RPE: variants seen among roughly 807,000 people sequenced by gnomAD.
RPE encodes ribulose-phosphate 3-epimerase.
Under a neutral mutation model 24.6 loss-of-function variants are expected in RPE, and 16 were observed. That is an observed-to-expected ratio of 0.65 (90% confidence interval 0.44 to 0.99). RPE has a LOEUF of 0.99. RPE is among the 50% of genes least tolerant of loss of function. The pLI is 0.00. For synonymous variants in RPE, 93 were observed against 98.4 expected, an observed-to-expected ratio of 0.94 and a Z score of 0.33; for missense variants, 240 against 294.5, an observed-to-expected ratio of 0.81 and a Z score of 1.35.
chr2:210,016,262 A>G (rs773270431), intron 3 of RPE, 150 bp downstream of exon 3: 1 of 1,613,908 alleles, frequency 6.2e-7, no homozygotes, highest in South Asian at 1.1e-5. Flanking sequence ...TTGCAGGTAA[A>G]GAATACCTTA....
chr2:210,019,930 T>A lies in RPE; in HGVS notation c.*139T>A. The A allele has an allele frequency of 8.6e-7, 1 of 1,159,374 alleles. No individual in the cohort carries two copies. Among genetic ancestry groups the A allele is most frequent in the Non-Finnish European group, 1.2e-6 (1 of 850,702 alleles). 71.8% of individuals were successfully genotyped at this position (1,159,374 alleles called of 1,614,324 possible). A position where few individuals can be genotyped will look rare whatever the true frequency, so the allele number is the denominator to read the frequency against. On this transcript the variant is annotated 3_prime_UTR_variant, in exon 6 of 6. Transcript: ENST00000359429. Reference sequence around the variant, plus strand: ...ATTCATTCCAGTGATTAAAACTGATTGTGCAGAATATTCTAAGAGGTCAGA... The same window carrying A: ...ATTCATTCCAGTGATTAAAACTGATAGTGCAGAATATTCTAAGAGGTCAGA...
chr2:210,011,533 T>G (rs2093699358), intron 2 of RPE, among the ~76,000 whole-genome samples: 1 of 152,188 alleles, frequency 6.6e-6, no homozygotes, highest in African/African-American at 2.4e-5. Flanking sequence ...CACAATCTGC[T>G]TTTTCTTCTT....
chr2:210,019,882 C>A lies in RPE; in HGVS notation c.*91C>A. On this transcript the variant is annotated 3_prime_UTR_variant, in exon 6 of 6. Transcript: ENST00000359429. ...CTACCAAATCACAATGCAATTGAAG[C>A]CGTACTGCTTTTTTGAGCAGTTATT... 6.9e-7 allele frequency: 1 copy of A among 1,456,772 alleles called. No homozygotes were observed. 90.2% of individuals were successfully genotyped at this position (1,456,772 alleles called of 1,614,324 possible).
At chr2:210,018,185 G>C (rs200139291) in intron 5 of RPE, 14 of 1,534,530 alleles carry the variant, frequency 9.1e-6, no homozygotes, top group Non-Finnish European at 1.2e-5. Context: ...TCACGGCCTT[G>C]GAAGTGAGAA....
chr2:210,018,758 TAAAC>T, intron 5 of RPE: 1 of 930,690 alleles, frequency 1.1e-6, no homozygotes, highest in Non-Finnish European at 1.3e-6. Context: ...GCGATGACCT[TAAAC>T]AGCAGGATAT....
intron 2 of RPE, among the ~76,000 whole-genome samples, chr2:210,014,747 A>G (rs371757295): frequency 4.1e-5 from 6 of 147,528 alleles, no homozygotes; most frequent in African/African-American, 1.5e-4. Flanking sequence ...TCAAGGCTTT[A>G]TTGTATTTCA....
intron 2 of RPE, among the ~76,000 whole-genome samples, chr2:210,013,399 C>T (rs1478603995): frequency 2.7e-5 from 4 of 149,852 alleles, no homozygotes; most frequent in African/African-American, 7.4e-5. Flanking sequence ...AAGCCTCAGT[C>T]TTGATGGGCT....
intron 4 of RPE, 56 bp from the exon 5 acceptor site, chr2:210,017,417 A>ACCCC: frequency 5.4e-6 from 2 of 368,160 alleles, no homozygotes; most frequent in Non-Finnish European, 5.1e-6. Flanking sequence ...CCCCACCCCC[A>ACCCC]CCCCCACCAA....
At chr2:210,012,483 T>G (rs1427769522) in intron 2 of RPE, among the ~76,000 whole-genome samples, 1 of 152,240 alleles carries the variant, frequency 6.6e-6, no homozygotes, top group African/African-American at 2.4e-5. Context: ...TTTTTAATAT[T>G]TTGTGTGGCA....
intron 1 of RPE, among the ~76,000 whole-genome samples, chr2:210,004,187 A>G (rs536787102): frequency 1.3e-5 from 2 of 152,304 alleles, no homozygotes; most frequent in African/African-American, 2.4e-5. Flanking sequence ...CTATGTGTAT[A>G]TTTGTGAGTC....
chr2:210,018,356 C>T, intron 5 of RPE: 1 of 1,389,040 alleles, frequency 7.2e-7, no homozygotes, highest in South Asian at 1.7e-5. Flanking sequence ...AGGCCTGATA[C>T]CTCTTTGGCT....
chr2:210,018,239 A>C, intron 5 of RPE: 1 of 1,524,172 alleles, frequency 6.6e-7, no homozygotes, highest in Non-Finnish European at 8.7e-7. Flanking sequence ...CAAGGGGGGA[A>C]AATAGATAAA....
intron 5 of RPE, chr2:210,018,582 G>T: frequency 1.0e-6 from 1 of 985,100 alleles, no homozygotes; most frequent in Non-Finnish European, 1.2e-6. Context: ...TCAAAAGCTT[G>T]ACAGTAGTAA....
At chr2:210,006,652 A>G (rs1312435404) in intron 1 of RPE, among the ~76,000 whole-genome samples, 2 of 152,186 alleles carry the variant, frequency 1.3e-5, no homozygotes, top group Non-Finnish European at 2.9e-5. Context: ...CAACGAAACT[A>G]TTTCCCAGAC....
intron 4 of RPE, among the ~76,000 whole-genome samples, chr2:210,017,232 T>A (rs1183755042): frequency 6.6e-6 from 1 of 152,198 alleles, no homozygotes; most frequent in Non-Finnish European, 1.5e-5. Context: ...GTCTGTCTTG[T>A]TTACATGACA....
In RPE at chr2:210,019,944, T is replaced by C. The variant is rs991476609; in HGVS notation, c.*153T>C. 7.8e-6 allele frequency: 8 copies of C among 1,023,700 alleles called. No individual in the cohort carries two copies. The Admixed American group carries it at 2.6e-4, about 34-fold the overall frequency. The allele number at this position is 1,023,700 out of a possible 1,614,324, so 63.4% of individuals were successfully genotyped here. A position where few individuals can be genotyped will look rare whatever the true frequency, so the allele number is the denominator to read the frequency against. On this transcript the variant is annotated 3_prime_UTR_variant, in exon 6 of 6. Transcript: ENST00000359429. ...TTAAAACTGATTGTGCAGAATATTC[T>C]AAGAGGTCAGAAATTGGTGTGTATA...
At chr2:210,017,865 C>T in intron 5 of RPE, 1 of 560,872 alleles carries the variant, frequency 1.8e-6, no homozygotes. Flanking sequence ...CTGCCTCAGC[C>T]TCCTGAGTAG....
intron 1 of RPE, among the ~76,000 whole-genome samples, chr2:210,006,007 T>G (rs1368470024): frequency 6.6e-6 from 1 of 152,238 alleles, no homozygotes; most frequent in Non-Finnish European, 1.5e-5. Context: ...GAGAAAATTG[T>G]ATCCTTGTAT....
rs1035851056 is a variant in RPE at position 210,013,599 on chromosome 2, C to T, written c.203-2374C>T. On this transcript the variant is annotated intron_variant, in intron 2 of 5. Transcript: ENST00000359429. ...GATTATAGGTGTGAGCCACCAAACC[C>T]GCCAAAAATTACATGCTTTAAAATG... is the stretch of plus-strand genomic sequence containing the variant. 3.9e-5 allele frequency among the ~76,000 whole-genome samples: 6 copies of T among 152,186 alleles called. No individual in the cohort carries two copies. The South Asian group carries it at 1.0e-3, about 26-fold the overall frequency.
Sources: allele counts gnomAD v4.1 joint callset (sites outside exome capture counted in the v4.1 genomes callset), GRCh38; gene constraint gnomAD v4.1.1; transcripts MANE v1.5; gene names NCBI Gene and HGNC (gene_info 2026-07-23, HGNC 2026-07-21).